The following LRRC28 variants were observed in gnomAD, a reference collection of about 807,000 sequenced individuals.
The protein encoded by LRRC28 is leucine-rich repeat-containing protein 28.
A neutral mutation model predicts 45.7 loss-of-function variants in LRRC28; 39 were observed. The observed-to-expected ratio is 0.85, with a 90% CI of 0.66 to 1.12. LRRC28 has a LOEUF of 1.12. Ranked by LOEUF, LRRC28 falls within the 50% of genes most tolerant of loss-of-function variation. LRRC28 has a pLI of 0.00. For synonymous variants in LRRC28, 206 were observed against 178.8 expected, an observed-to-expected ratio of 1.15 and a Z score of -1.22; for missense variants, 435 against 438.5, an observed-to-expected ratio of 0.99 and a Z score of 0.07.
intron 2 of LRRC28, among the ~76,000 whole-genome samples, chr15:99,269,196 C>T (rs1011213257): frequency 2.6e-5 from 4 of 152,144 alleles, no homozygotes; most frequent in East Asian, 1.9e-4. Flanking sequence ...AAAATATTTT[C>T]ATTTACATTT....
chr15:99,321,744 A>G (rs62023808), intron 5 of LRRC28, among the ~76,000 whole-genome samples: 359 of 152,322 alleles, frequency 2.4e-3, no homozygotes, highest in Non-Finnish European at 4.1e-3. Context: ...GTCAAAAAAT[A>G]TTTACTGTGC....
chr15:99,327,685 G>A (rs930239002), intron 5 of LRRC28, among the ~76,000 whole-genome samples: 1 of 151,616 alleles, frequency 6.6e-6, no homozygotes, highest in Non-Finnish European at 1.5e-5. Context: ...TGTTTTCATT[G>A]ACTTTTTTTT....
chr15:99,299,988 C>G (rs947052528), intron 5 of LRRC28, among the ~76,000 whole-genome samples: 1 of 152,166 alleles, frequency 6.6e-6, no homozygotes, highest in Non-Finnish European at 1.5e-5. Context: ...CTGCTGACAT[C>G]TCTGCTCCTG....
chr15:99,290,513 T>G (rs2152217901), intron 5 of LRRC28, among the ~76,000 whole-genome samples: 1 of 152,306 alleles, frequency 6.6e-6, no homozygotes, highest in South Asian at 2.1e-4. Context: ...GAAGATTGCC[T>G]AGAAAATGTA....
chr15:99,389,278 A>G lies in LRRC28; in HGVS notation c.*3176A>G, dbSNP rs1958116059. 1 of 152,184 alleles carries G rather than the reference A, an allele frequency of 6.6e-6. No homozygotes were observed. The highest frequency in any genetic ancestry group is 2.1e-4 in the South Asian group (1 of 4,832). The allele number at this position is 152,184 out of a possible 1,614,324, so 9.4% of individuals were successfully genotyped here. On this transcript the variant is annotated 3_prime_UTR_variant, in exon 10 of 10. Coordinates refer to ENST00000301981, the MANE Select transcript of LRRC28 (RefSeq NM_144598.5). The stretch of plus-strand genomic sequence containing the variant: ...TTTTACGTTGAGCATTACGAATTAA[A>G]ATCTTTACAGTCTAGGGGGAAAAAA...
intron 5 of LRRC28, among the ~76,000 whole-genome samples, chr15:99,295,678 A>G (rs1297790583): frequency 6.6e-6 from 1 of 152,220 alleles, no homozygotes; most frequent in African/African-American, 2.4e-5. Context: ...AAATCAGCCT[A>G]TTTTTAAAAA....
chr15:99,356,858 A>G (rs557534617), intron 7 of LRRC28, among the ~76,000 whole-genome samples: 1 of 152,326 alleles, frequency 6.6e-6, no homozygotes, highest in African/African-American at 2.4e-5. Context: ...CTCATCAGAA[A>G]CTTTGAAGTC....
intron 5 of LRRC28, among the ~76,000 whole-genome samples, chr15:99,316,242 A>G (rs558634075): frequency 5.9e-5 from 9 of 152,350 alleles, no homozygotes; most frequent in African/African-American, 2.2e-4. Flanking sequence ...AATTTGTTAT[A>G]TATACTACTT....
chr15:99,325,988 T>A (rs562876144), intron 5 of LRRC28, among the ~76,000 whole-genome samples: 1 of 152,184 alleles, frequency 6.6e-6, no homozygotes, highest in East Asian at 1.9e-4. Context: ...TTGGTTGAGT[T>A]CAGGCAAGAG....
At chr15:99,310,790 A>G (rs1450591576) in intron 5 of LRRC28, among the ~76,000 whole-genome samples, 1 of 152,220 alleles carries the variant, frequency 6.6e-6, no homozygotes, top group Non-Finnish European at 1.5e-5. Flanking sequence ...TGGCCTGCCA[A>G]CACTATACTC....
rs1174957933 is a variant in LRRC28 at position 99,390,111 on chromosome 15, C to T, written c.*4009C>T. On this transcript the variant is annotated 3_prime_UTR_variant, in exon 10 of 10. Coordinates refer to ENST00000301981, the MANE Select transcript of LRRC28 (RefSeq NM_144598.5). ...CCAGCCTGGGCAACAGAGCGAGACTCCGTCTCAAAAAAAAATCATTCAAGT... is the reference window on the plus strand; with the variant it reads ...CCAGCCTGGGCAACAGAGCGAGACTTCGTCTCAAAAAAAAATCATTCAAGT... 1.3e-5 allele frequency: 2 copies of T among 151,648 alleles called. No homozygotes were observed. The highest frequency in any genetic ancestry group is 1.3e-4 in the Admixed American group (2 of 15,240). 9.4% of individuals were successfully genotyped at this position (151,648 alleles called of 1,614,324 possible).
chr15:99,354,995 T>C (rs918530473), intron 7 of LRRC28, among the ~76,000 whole-genome samples: 1 of 152,202 alleles, frequency 6.6e-6, no homozygotes, highest in Non-Finnish European at 1.5e-5. Flanking sequence ...GATATATACG[T>C]ATTTATCTCA....
rs77060336 is a variant in LRRC28, at chr15:99,310,687, G to A, written c.385+22736G>A. On this transcript the variant is annotated intron_variant, in intron 5 of 9. Transcript: ENST00000301981. The stretch of plus-strand genomic sequence containing the variant: ...AAGACAAAAATCCGTGTAAGTAAGC[G>A]AAAGACATGAAAATGAAGAAAGGAG... Among the ~76,000 whole-genome samples the A allele has an allele frequency of 1.3e-3, 193 of 152,246 alleles. 3 individuals are homozygous for A. The East Asian group carries it at 0.028, about 22-fold the overall frequency.
chr15:99,266,393 A>G (rs141603566), intron 2 of LRRC28, among the ~76,000 whole-genome samples: 247 of 152,266 alleles, frequency 1.6e-3, no homozygotes, highest in African/African-American at 5.8e-3. Context: ...GAGGCATACC[A>G]GCTACTTGGC....
intron 2 of LRRC28, among the ~76,000 whole-genome samples, chr15:99,268,114 A>G (rs1406686934): frequency 6.6e-6 from 1 of 152,176 alleles, no homozygotes; most frequent in Non-Finnish European, 1.5e-5. Flanking sequence ...ATATTTATTG[A>G]TAACCTCTTC....
At chr15:99,303,741 G>A (rs1955071177) in intron 5 of LRRC28, among the ~76,000 whole-genome samples, 1 of 152,116 alleles carries the variant, frequency 6.6e-6, no homozygotes, top group Non-Finnish European at 1.5e-5. Flanking sequence ...GGCTGAGGCA[G>A]GAGAATCGCA....
rs1955378062 is a variant in LRRC28, at chr15:99,310,800, CT to C, written c.385+22851del. Reference sequence around the variant, plus strand: ...CATGGTGGCCTGCCAACACTATACTCTTCTGTAAGGTGTTTCACGCAATACG... The same window carrying C: ...CATGGTGGCCTGCCAACACTATACTCTCTGTAAGGTGTTTCACGCAATACG... On this transcript the variant is annotated intron_variant, in intron 5 of 9. Transcript: ENST00000301981. 2.0e-5 allele frequency among the ~76,000 whole-genome samples: 3 copies of C among 152,326 alleles called. No homozygotes were observed. In the South Asian group the frequency reaches 6.2e-4, roughly 32 times the overall value.
chr15:99,361,320 G>T lies in LRRC28; in HGVS notation c.696-16G>T, dbSNP rs1249029293. 3 of 1,604,800 alleles carry T rather than the reference G, an allele frequency of 1.9e-6. No individual in the cohort carries two copies. The East Asian group carries it at 6.7e-5, about 36-fold the overall frequency. ...CCTTATTGCTAATAATACTGTGAAT[G>T]TGTGTCTTTCTGCAGCTGTGGTGCT... On this transcript the variant is annotated splice_polypyrimidine_tract_variant and intron_variant, in intron 7 of 9. Coordinates refer to ENST00000301981, the MANE Select transcript of LRRC28 (RefSeq NM_144598.5).
intron 8 of LRRC28, 28 bp downstream of exon 8, chr15:99,361,539 T>G (rs1295493260): frequency 4.2e-5 from 66 of 1,554,236 alleles, no homozygotes; most frequent in Non-Finnish European, 5.2e-5. Flanking sequence ...TTTTCTTATT[T>G]TTCTCTCTCA....
Sources: allele counts gnomAD v4.1 joint callset (sites outside exome capture counted in the v4.1 genomes callset), GRCh38; gene constraint gnomAD v4.1.1; transcripts MANE v1.5; gene names NCBI Gene and HGNC (gene_info 2026-07-23, HGNC 2026-07-21).